The following SGMS1 variants were observed in gnomAD, a reference collection of about 807,000 sequenced individuals.
SGMS1 encodes sphingomyelin synthase 1, also known as phosphatidylcholine:ceramide cholinephosphotransferase 1.
In SGMS1, 13 loss-of-function variants were observed where a neutral mutation model predicts 46.2. The observed-to-expected ratio is 0.28, with a 90% CI of 0.18 to 0.45. The LOEUF is 0.45. Ranked by LOEUF, SGMS1 falls within the 20% of genes least tolerant of loss-of-function variation. SGMS1 has a pLI of 1.00. For synonymous variants in SGMS1, 203 were observed against 187.8 expected (o/e 1.08, Z -0.66); for missense variants, 324 against 519.9 (o/e 0.62, Z 3.66).
upstream of SGMS1, chr10:50,624,548 A>C: frequency 2.1e-6 from 2 of 975,268 alleles, no homozygotes; most frequent in Non-Finnish European, 2.4e-6. Flanking sequence ...CAAGAGCTCT[A>C]ACCGCGCGAG....
At chr10:50,337,822 T>C (rs1185093891) in intron 7 of SGMS1, among the ~76,000 whole-genome samples, 1 of 145,246 alleles carries the variant, frequency 6.9e-6, no homozygotes, top group East Asian at 2.0e-4. Context: ...TGTTGGCTGA[T>C]ACCCACTTAA....
chr10:50,570,914 G>C (rs942310451), intron 2 of SGMS1, among the ~76,000 whole-genome samples: 4 of 136,394 alleles, frequency 2.9e-5, no homozygotes, highest in Non-Finnish European at 6.5e-5. Flanking sequence ...CTCCAGCCCG[G>C]TCATCAGACA....
intron 5 of SGMS1, among the ~76,000 whole-genome samples, chr10:50,434,569 G>A (rs1003568563): frequency 5.3e-5 from 8 of 151,998 alleles, no homozygotes; most frequent in Non-Finnish European, 8.8e-5. Flanking sequence ...GCGGTGTTAC[G>A]GAGATTAAGA....
At position 50,577,485 on chromosome 10, in the gene SGMS1, G is replaced by A. The variant is rs112635949; in HGVS notation, c.-589+12668C>T. On this transcript the variant is annotated intron_variant, in intron 2 of 10. Coordinates refer to ENST00000361781, the MANE Select transcript of SGMS1 (RefSeq NM_147156.4). ...TCCCTTTCCTAACGTGCAAGAATTC[G>A]TAATTTATTCATATTTAGTCCTTTT... 7.7e-3 allele frequency among the ~76,000 whole-genome samples: 1,167 copies of A among 152,186 alleles called. 13 individuals are homozygous for A. The highest frequency in any genetic ancestry group is 0.027 in the African/African-American group (1,106 of 41,514).
intron 4 of SGMS1, among the ~76,000 whole-genome samples, chr10:50,461,493 C>T (rs553221774): frequency 3.3e-5 from 5 of 152,130 alleles, no homozygotes; most frequent in African/African-American, 9.6e-5. Context: ...TATTTTAGTT[C>T]GATCATATTT....
At chr10:50,511,456 A>C (rs1423418237) in intron 3 of SGMS1, among the ~76,000 whole-genome samples, 1 of 152,174 alleles carries the variant, frequency 6.6e-6, no homozygotes, top group Non-Finnish European at 1.5e-5. Flanking sequence ...AGTATGAAAC[A>C]CAGAAACCAA....
At chr10:50,607,436 T>C (rs1396401261) in intron 1 of SGMS1, among the ~76,000 whole-genome samples, 1 of 152,194 alleles carries the variant, frequency 6.6e-6, no homozygotes, top group African/African-American at 2.4e-5. Flanking sequence ...TTGTCACATA[T>C]TACCTCTGCA....
In SGMS1 at chr10:50,377,292, T is replaced by A. The variant is rs189368174; in HGVS notation, c.-231-32947A>T. Reference sequence around the variant, plus strand: ...GGCTTTTATAACGGATCCACTTTCATGATAACTAACCCACTCCCATGATAA... The same window carrying A: ...GGCTTTTATAACGGATCCACTTTCAAGATAACTAACCCACTCCCATGATAA... On this transcript the variant is annotated intron_variant, in intron 6 of 10. Coordinates refer to ENST00000361781, the MANE Select transcript of SGMS1 (RefSeq NM_147156.4). Among the ~76,000 whole-genome samples the A allele has an allele frequency of 8.5e-5, 13 of 152,226 alleles. No individual in the cohort carries two copies. The East Asian group carries it at 1.5e-3, about 18-fold the overall frequency.
chr10:50,358,308 C>T (rs139157543), intron 6 of SGMS1, among the ~76,000 whole-genome samples: 1 of 152,206 alleles, frequency 6.6e-6, no homozygotes, highest in Non-Finnish European at 1.5e-5. Flanking sequence ...TGTTAAAGGG[C>T]AATACAAATC....
chr10:50,524,878 G>A (rs975933807), intron 2 of SGMS1, among the ~76,000 whole-genome samples: 1 of 152,158 alleles, frequency 6.6e-6, no homozygotes, highest in Non-Finnish European at 1.5e-5. Context: ...AATAAGATGA[G>A]AGTAACTCAT....
intron 7 of SGMS1, among the ~76,000 whole-genome samples, chr10:50,330,491 A>G (rs1847605243): frequency 2.6e-5 from 4 of 152,002 alleles, no homozygotes; most frequent in African/African-American, 4.8e-5. Flanking sequence ...CCCTAAATAA[A>G]TAAATAAATG....
chr10:50,307,136 C>T lies in SGMS1; in HGVS notation c.*6G>A. On this transcript the variant is annotated 3_prime_UTR_variant, in exon 11 of 11. Coordinates refer to ENST00000361781, the MANE Select transcript of SGMS1 (RefSeq NM_147156.4). This position sits in a 1 kb window ranked among gnomAD's most constrained non-coding sequence, Gnocchi z 4.2. ...CAATTTGTCTTTTCCCCACTTTGTA[C>T]AGCTGTTATGTGTCATTCACCAGCC... is the stretch of plus-strand genomic sequence containing the variant. 1.9e-6 allele frequency: 3 copies of T among 1,612,612 alleles called. No individual in the cohort carries two copies. The highest frequency in any genetic ancestry group is 2.5e-6 in the Non-Finnish European group (3 of 1,179,296).
At chr10:50,567,166 C>T (rs1588879262) in intron 2 of SGMS1, among the ~76,000 whole-genome samples, 1 of 152,102 alleles carries the variant, frequency 6.6e-6, no homozygotes, top group African/African-American at 2.4e-5. Flanking sequence ...AGGCTGGTCT[C>T]GAACTCCTGA....
intron 6 of SGMS1, among the ~76,000 whole-genome samples, chr10:50,428,634 G>A (rs1849360947): frequency 2.6e-5 from 4 of 152,142 alleles, no homozygotes. Context: ...TTCAGATACT[G>A]TCTTACTATC....
intron 3 of SGMS1, among the ~76,000 whole-genome samples, chr10:50,468,239 G>T (rs1267886315): frequency 6.6e-6 from 1 of 152,098 alleles, no homozygotes; most frequent in Non-Finnish European, 1.5e-5. Context: ...ACAGTTAGTG[G>T]GTGAAATAAA....
chr10:50,475,864 C>G (rs1837421118), intron 3 of SGMS1, among the ~76,000 whole-genome samples: 2 of 152,036 alleles, frequency 1.3e-5, no homozygotes, highest in Non-Finnish European at 2.9e-5. Flanking sequence ...GAAGCCTGTA[C>G]AGCCTGCATA....
At chr10:50,335,035 T>C (rs1476829050) in intron 7 of SGMS1, 1 of 152,186 alleles carries the variant, frequency 6.6e-6, no homozygotes, top group African/African-American at 2.4e-5. Context: ...GAGGACCTCG[T>C]AGGTCACCAT....
At chr10:50,528,115 TATCAGTCTATA>T (rs1837920985) in intron 2 of SGMS1, among the ~76,000 whole-genome samples, 1 of 152,212 alleles carries the variant, frequency 6.6e-6, no homozygotes, top group Non-Finnish European at 1.5e-5. Flanking sequence ...AAGTACACAA[TATCAGTCTATA>T]AACCAAAAAG....
intron 6 of SGMS1, among the ~76,000 whole-genome samples, chr10:50,402,232 T>C (rs1848951436): frequency 6.6e-6 from 1 of 152,214 alleles, no homozygotes; most frequent in Non-Finnish European, 1.5e-5. Flanking sequence ...TCTCTAATGT[T>C]CTGAGGTTCA....
Sources: gnomAD v4.1 joint callset for allele counts (sites outside exome capture counted in the v4.1 genomes callset) on GRCh38, gnomAD v4.1.1 for gene constraint, Gnocchi (gnomAD v3.1) non-coding constraint, MANE v1.5 for transcripts, NCBI Gene and HGNC (gene_info 2026-07-23, HGNC 2026-07-21) for gene names.